Variants in EYS observed in about 807,000 individuals in gnomAD.
EYS encodes EGF-like photoreceptor maintenance factor.
A neutral mutation model predicts 282.1 loss-of-function variants in EYS; 250 were observed. That is an observed-to-expected ratio of 0.89 (90% CI 0.80 to 0.98). The LOEUF (loss-of-function observed/expected upper bound fraction) is 0.98, where lower values mean the gene tolerates loss of function less well. EYS is among the 50% of genes least tolerant of loss of function. The probability of loss-of-function intolerance (pLI) is 0.00; values close to 1 mark genes in which losing one functional copy is unlikely to be tolerated. For missense variants in EYS, 4,016 were observed against 3,709.0 expected (o/e 1.08, Z -2.15); for synonymous variants, 1,355 against 1,282.9 (o/e 1.06, Z -1.20).
chr6:64,042,567 G>GAAGA lies in EYS; in HGVS notation c.6725+23767_6725+23770dup, dbSNP rs1470028728. ...ATGAATATCCCAGGTAGTGCCTTGG[G>GAAGA]AAGAAAGCTCTTTGTCCATTTTGTG... On this transcript the variant is annotated intron_variant, in intron 33 of 42. Coordinates refer to ENST00000503581, the MANE Select transcript of EYS (RefSeq NM_001142800.2). 3.9e-5 allele frequency among the ~76,000 whole-genome samples: 6 copies of GAAGA among 152,262 alleles called. No individual in the cohort carries two copies. The East Asian group carries it at 9.7e-4, about 25-fold the overall frequency.
At chr6:65,113,665 T>C (rs963235404) in intron 12 of EYS, among the ~76,000 whole-genome samples, 2 of 151,888 alleles carry the variant, frequency 1.3e-5, no homozygotes, top group Admixed American at 1.3e-4. Flanking sequence ...ATTCGAATTC[T>C]TATATTGTTG....
chr6:65,460,815 T>C (rs1286186870), intron 5 of EYS, among the ~76,000 whole-genome samples: 1 of 152,054 alleles, frequency 6.6e-6, no homozygotes, highest in Non-Finnish European at 1.5e-5. Context: ...CTTCACACTA[T>C]ATTATTAAAT....
chr6:63,830,685 G>A (rs1277295652), intron 36 of EYS, among the ~76,000 whole-genome samples: 1 of 152,146 alleles, frequency 6.6e-6, no homozygotes, highest in African/African-American at 2.4e-5. Flanking sequence ...AGCAAGGCAG[G>A]CCAACATTCA....
intron 33 of EYS, among the ~76,000 whole-genome samples, chr6:64,049,448 C>CTT (rs1401711619): frequency 6.6e-6 from 1 of 152,140 alleles, no homozygotes; most frequent in Non-Finnish European, 1.5e-5. Flanking sequence ...TGGTGATTAA[C>CTT]TTTTCTATAC....
At chr6:63,977,415 T>C (rs1262732259) in intron 35 of EYS, among the ~76,000 whole-genome samples, 2 of 152,056 alleles carry the variant, frequency 1.3e-5, no homozygotes, top group African/African-American at 4.8e-5. Context: ...AGAGCTTACA[T>C]GGAGATGCTT....
At chr6:65,705,039 T>C (rs1397396703) in intron 1 of EYS, among the ~76,000 whole-genome samples, 2 of 152,186 alleles carry the variant, frequency 1.3e-5, no homozygotes, top group Non-Finnish European at 2.9e-5. Flanking sequence ...TTTATTTCAA[T>C]GATAGAGAAG....
intron 22 of EYS, among the ~76,000 whole-genome samples, chr6:64,659,326 C>T (rs1293161503): frequency 6.6e-6 from 1 of 151,612 alleles, no homozygotes; most frequent in Non-Finnish European, 1.5e-5. Flanking sequence ...ATTAAAAGAA[C>T]TAGATAAGAA....
At chr6:65,044,150 C>T (rs1210342545) in intron 13 of EYS, among the ~76,000 whole-genome samples, 1 of 151,670 alleles carries the variant, frequency 6.6e-6, no homozygotes, top group Non-Finnish European at 1.5e-5. Context: ...TGATACTGAG[C>T]ATTTTTAAAT....
intron 2 of EYS, among the ~76,000 whole-genome samples, chr6:65,514,137 T>C (rs376068242): frequency 6.6e-6 from 1 of 151,934 alleles, no homozygotes; most frequent in Non-Finnish European, 1.5e-5. Flanking sequence ...AGCATTCTTA[T>C]ACACCAATAA....
At chr6:65,504,615 A>G (rs1766589931) in intron 2 of EYS, among the ~76,000 whole-genome samples, 1 of 151,570 alleles carries the variant, frequency 6.6e-6, no homozygotes, top group Non-Finnish European at 1.5e-5. Flanking sequence ...TAGTTGTTAA[A>G]TTTTGTAAAA....
At chr6:63,804,321 C>A (rs1250206799) in intron 37 of EYS, among the ~76,000 whole-genome samples, 1 of 152,082 alleles carries the variant, frequency 6.6e-6, no homozygotes, top group African/African-American at 2.4e-5. Flanking sequence ...TGGCCGAGTC[C>A]AACAATATTT....
At chr6:64,065,130 T>C (rs1217932847) in intron 33 of EYS, among the ~76,000 whole-genome samples, 1 of 152,200 alleles carries the variant, frequency 6.6e-6, no homozygotes. Flanking sequence ...CCCTGTTAAG[T>C]GCATTAAAAA....
intron 41 of EYS, among the ~76,000 whole-genome samples, chr6:63,761,790 T>C (rs1198471088): frequency 6.6e-6 from 1 of 151,998 alleles, no homozygotes; most frequent in Non-Finnish European, 1.5e-5. Context: ...TATGTCCCTT[T>C]ATTTTCCTGG....
intron 8 of EYS, among the ~76,000 whole-genome samples, chr6:65,367,424 T>G (rs1033597877): frequency 6.6e-6 from 1 of 151,444 alleles, no homozygotes; most frequent in Non-Finnish European, 1.5e-5. Context: ...TTAAAAAAAG[T>G]TTTTTTCAAT....
intron 31 of EYS, among the ~76,000 whole-genome samples, chr6:64,159,579 A>ATTTTTTTTTTTTTTTTTTTT: frequency 6.6e-6 from 1 of 151,236 alleles, no homozygotes; most frequent in East Asian, 1.9e-4. Flanking sequence ...AAAAAAAAAA[A>ATTTTTTTTTTTTTTTTTTTT]AAAAAAAAGT....
intron 36 of EYS, among the ~76,000 whole-genome samples, chr6:63,863,648 CTTTTCTTTTCTTTTCTTTTCTT>C (rs1414263340): frequency 5.6e-3 from 27 of 4,824 alleles, no homozygotes; most frequent in Middle Eastern, 0.5. Flanking sequence ...TTTTTCTTTT[CTTTTCTTTTCTTTTCTTTTCTT>C]TTTTCTTTTT....
intron 12 of EYS, among the ~76,000 whole-genome samples, chr6:65,279,588 G>T (rs1455143928): frequency 6.6e-6 from 1 of 151,840 alleles, no homozygotes; most frequent in African/African-American, 2.4e-5. Context: ...CCCCAAAATA[G>T]TTGCATGTCT....
At chr6:64,586,270 T>C (rs997704078) in intron 26 of EYS, among the ~76,000 whole-genome samples, 4 of 152,072 alleles carry the variant, frequency 2.6e-5, no homozygotes, top group Non-Finnish European at 5.9e-5. Flanking sequence ...TCATTGAACT[T>C]GCTGGAACCT....
chr6:64,155,029 CT>C, intron 31 of EYS, among the ~76,000 whole-genome samples: 1 of 152,228 alleles, frequency 6.6e-6, no homozygotes, highest in South Asian at 2.1e-4. Flanking sequence ...GGTGTGCTTT[CT>C]AAAGGGCTCC....
Sources: gnomAD v4.1 joint callset for allele counts (sites outside exome capture counted in the v4.1 genomes callset) on GRCh38, gnomAD v4.1.1 for gene constraint, MANE v1.5 for transcripts, NCBI Gene and HGNC (gene_info 2026-07-23, HGNC 2026-07-21) for gene names.